Variants in PRTG observed in about 807,000 individuals in gnomAD.
The protein encoded by PRTG is immunoglobulin superfamily, DCC subclass, member 5.
PRTG carries 67 observed loss-of-function variants against 122.5 expected under a neutral mutation model. That is an observed-to-expected ratio of 0.55 (90% confidence interval 0.45 to 0.67). The LOEUF is 0.67. PRTG is among the 30% of genes least tolerant of loss of function. The probability of loss-of-function intolerance (pLI) is 0.00; values close to 1 mark genes in which losing one functional copy is unlikely to be tolerated. For synonymous variants in PRTG, 554 were observed against 501.1 expected, an observed-to-expected ratio of 1.11 and a Z score of -1.41; for missense variants, 1,435 against 1,415.4, an observed-to-expected ratio of 1.01 and a Z score of -0.22.
chr15:55,721,507 C>T (rs367726830), intron 2 of PRTG, among the ~76,000 whole-genome samples: 2 of 152,212 alleles, frequency 1.3e-5, no homozygotes, highest in African/African-American at 4.8e-5. Context: ...AAATAGTTTA[C>T]TATTCCATAC....
chr15:55,706,637 G>C (rs960789611), intron 2 of PRTG, among the ~76,000 whole-genome samples: 1 of 150,028 alleles, frequency 6.7e-6, no homozygotes, highest in African/African-American at 2.5e-5. Flanking sequence ...ATGGTGGCTC[G>C]TATCTGTATT....
At chr15:55,684,039 A>G in intron 2 of PRTG, 108 bp from the exon 3 acceptor site, 1 of 843,966 alleles carries the variant, frequency 1.2e-6, no homozygotes, top group South Asian at 2.1e-5. Context: ...CTTGGATATA[A>G]GACCAACCTA....
At chr15:55,628,507 G>A (rs2059208089) in intron 16 of PRTG, among the ~76,000 whole-genome samples, 1 of 151,848 alleles carries the variant, frequency 6.6e-6, no homozygotes, top group Admixed American at 6.6e-5. Flanking sequence ...TTATTTCTGT[G>A]AAACCTCTCA....
chr15:55,682,397 T>C lies in PRTG; in HGVS notation c.643A>G (p.Lys215Glu). ...CIAATVAHRR[K>E]SMEASLTVIP... ...ACAGTTAGCGAGGCCTCCATACTTT[T>C]ACGTCGGTGGGCTACAGTGGCAGCA... Residue 215 changes from lysine to glutamate, a missense_variant, in exon 4 of 20, where the codon AAA becomes GAA. By Grantham distance (56) the Lys-to-Glu change is moderately conservative. Coordinates refer to ENST00000389286, the MANE Select transcript of PRTG (RefSeq NM_173814.6). 1.2e-6 allele frequency: 2 copies of C among 1,605,716 alleles called. No homozygotes were observed. The highest frequency in any genetic ancestry group is 1.3e-5 in the African/African-American group (1 of 74,700).
intron 11 of PRTG, among the ~76,000 whole-genome samples, chr15:55,663,445 C>T (rs2059420634): frequency 6.6e-6 from 1 of 152,200 alleles, no homozygotes; most frequent in African/African-American, 2.4e-5. Flanking sequence ...AATTTCATCA[C>T]ATCCAGAAGC....
chr15:55,630,072 C>T (rs576386503), intron 15 of PRTG, among the ~76,000 whole-genome samples: 13 of 151,732 alleles, frequency 8.6e-5, no homozygotes, highest in Admixed American at 2.0e-4. Flanking sequence ...CTGTCAGCTC[C>T]GCCGCCCAGG....
At chr15:55,634,832 C>T (rs185896647) in intron 15 of PRTG, among the ~76,000 whole-genome samples, 1 of 151,252 alleles carries the variant, frequency 6.6e-6, no homozygotes, top group African/African-American at 2.4e-5. Flanking sequence ...AGCGAGACTC[C>T]GTCTCCAAAA....
At chr15:55,723,823 C>G (rs1484999990) in intron 2 of PRTG, among the ~76,000 whole-genome samples, 1 of 146,426 alleles carries the variant, frequency 6.8e-6, no homozygotes, top group Non-Finnish European at 1.5e-5. Context: ...GCAATCTCAG[C>G]TCACTGCAAC....
At position 55,620,020 on chromosome 15, in the gene PRTG, T is replaced by TG. The variant is rs1299546778; in HGVS notation, c.3444dup (p.Asn1149GlnfsTer17). ...CACTGCCAGTGAAAGAATCAGAGGT[T>TG]GGGGGGTGTGGTACTTATAACTGAG... On this transcript the variant is annotated frameshift_variant, in exon 20 of 20. Coordinates refer to ENST00000389286, the MANE Select transcript of PRTG (RefSeq NM_173814.6). LOFTEE classifies it high-confidence loss of function. The TG allele has an allele frequency of 5.6e-6, 9 of 1,614,024 alleles. No individual in the cohort carries two copies. The East Asian group carries it at 1.3e-4, about 24-fold the overall frequency.
intron 11 of PRTG, among the ~76,000 whole-genome samples, chr15:55,652,868 T>C (rs1466160467): frequency 1.3e-5 from 2 of 152,134 alleles, no homozygotes; most frequent in African/African-American, 4.8e-5. Flanking sequence ...CTTTGTCTCA[T>C]ATCGTCAAAC....
chr15:55,726,792 C>T (rs549479263), intron 2 of PRTG, among the ~76,000 whole-genome samples: 6 of 151,178 alleles, frequency 4.0e-5, no homozygotes, highest in South Asian at 2.1e-4. Context: ...GAAGAAAATG[C>T]GAAGAAAATT....
At chr15:55,689,011 T>C (rs2059585827) in intron 2 of PRTG, among the ~76,000 whole-genome samples, 1 of 152,192 alleles carries the variant, frequency 6.6e-6, no homozygotes, top group African/African-American at 2.4e-5. Context: ...TCCCACTGAT[T>C]TTAACTCCTA....
intron 2 of PRTG, among the ~76,000 whole-genome samples, chr15:55,727,391 C>G (rs1192944596): frequency 6.6e-6 from 1 of 151,876 alleles, no homozygotes; most frequent in Non-Finnish European, 1.5e-5. Flanking sequence ...AATCAGATAG[C>G]CTAGATGAAA....
rs1444349933 is a variant in PRTG, at chr15:55,675,536, T to C, written c.1529A>G (p.Gln510Arg). The C allele has an allele frequency of 3.7e-6, 6 of 1,611,158 alleles. No homozygotes were observed. The highest frequency in any genetic ancestry group is 1.3e-5 in the African/African-American group (1 of 74,870). The change falls in exon 9 of 20, where the codon CAG becomes CGG. Residue 510 changes from glutamine (Q) to arginine (R), a missense_variant. Gln to Arg is a conservative substitution (Grantham distance 43, BLOSUM62 1). Transcript: ENST00000389286. ...GASQMSDHVT[Q>R]NTLEDVPLRP... The stretch of plus-strand genomic sequence containing the variant: ...TTTCTTACCATCCTCTAGAGTATTC[T>C]GTGTCACATGGTCAGACATCTGGCT...
intron 11 of PRTG, 38 bp from the exon 12 acceptor site, chr15:55,641,246 C>G: frequency 6.8e-7 from 1 of 1,460,398 alleles, no homozygotes; most frequent in Non-Finnish European, 9.6e-7. Context: ...AGGACCAGGT[C>G]TCTAGATCTG....
At chr15:55,651,899 G>A (rs1449797595) in intron 11 of PRTG, among the ~76,000 whole-genome samples, 3 of 152,138 alleles carry the variant, frequency 2.0e-5, no homozygotes, top group African/African-American at 7.2e-5. Flanking sequence ...GACTTAGAGA[G>A]TTTTATTTCC....
At chr15:55,731,012 A>G (rs888116464) in intron 2 of PRTG, among the ~76,000 whole-genome samples, 2 of 152,222 alleles carry the variant, frequency 1.3e-5, no homozygotes, top group African/African-American at 4.8e-5. Context: ...TCTATTGACT[A>G]CAGAGTAAGT....
chr15:55,723,181 C>T (rs766440555), intron 2 of PRTG, among the ~76,000 whole-genome samples: 4 of 152,038 alleles, frequency 2.6e-5, no homozygotes, highest in Non-Finnish European at 5.9e-5. Flanking sequence ...TGTGATGTCT[C>T]ACCACAGACG....
At chr15:55,700,324 A>G (rs2059654938) in intron 2 of PRTG, among the ~76,000 whole-genome samples, 1 of 152,200 alleles carries the variant, frequency 6.6e-6, no homozygotes, top group South Asian at 2.1e-4. Context: ...AATTAATTAA[A>G]TTGGGTCAAA....
Sources: gnomAD v4.1 joint callset for allele counts (sites outside exome capture counted in the v4.1 genomes callset) on GRCh38, gnomAD v4.1.1 for gene constraint, MANE v1.5 for transcripts, NCBI Gene and HGNC (gene_info 2026-07-23, HGNC 2026-07-21) for gene names.